The following METTL22 variants were observed in gnomAD, a reference collection of about 807,000 sequenced individuals.
METTL22 encodes the protein methyltransferase-like protein 22.
Under a neutral mutation model 48.4 loss-of-function variants are expected in METTL22, and 51 were observed. The ratio of observed to expected loss-of-function variants is 1.05; its 90% CI spans 0.84 to 1.33. METTL22 has a LOEUF of 1.33. METTL22 is among the 40% of genes most tolerant of loss of function. The pLI, the probability that METTL22 is intolerant of heterozygous loss-of-function variation, is 0.00. For missense variants in METTL22, 678 were observed against 526.9 expected (o/e 1.29, Z -2.81); for synonymous variants, 255 against 214.1 (o/e 1.19, Z -1.67).
intron 3 of METTL22, chr16:8,632,012 G>A (rs1272494317): frequency 6.6e-6 from 1 of 152,240 alleles, no homozygotes; most frequent in Non-Finnish European, 1.5e-5. Context: ...GATGAGTCAT[G>A]AAGAAGCATA....
intron 6 of METTL22, 62 bp from the exon 7 acceptor site, chr16:8,641,069 T>TTA: frequency 1.3e-6 from 2 of 1,517,778 alleles, no homozygotes; most frequent in East Asian, 4.5e-5. Flanking sequence ...GTGTAAAAGT[T>TTA]TATCTTTTTT....
At position 8,646,064 on chromosome 16, in the gene METTL22, G is replaced by C. The variant is rs371651312; in HGVS notation, c.1180-44G>C. The C allele has an allele frequency of 7.5e-5, 108 of 1,439,900 alleles. No homozygotes were observed. In the African/African-American group the frequency reaches 2.6e-3, roughly 34 times the overall value. The allele number at this position is 1,439,900 out of a possible 1,614,324, so 89.2% of individuals were successfully genotyped here. On this transcript the variant is annotated intron_variant, in intron 10 of 10. Transcript: ENST00000381920. ...TCCTTAATGAAATTGTGATGCTCTT[G>C]TATGTGCACTTCAGAAACCTGTTCT...
chr16:8,627,019 C>T (rs1189967274), intron 2 of METTL22, among the ~76,000 whole-genome samples: 1 of 152,054 alleles, frequency 6.6e-6, no homozygotes, highest in African/African-American at 2.4e-5. Flanking sequence ...CCCGCCTCGG[C>T]CTCCCAAAGT....
At chr16:8,642,816 T>A in intron 9 of METTL22, 1 of 559,084 alleles carries the variant, frequency 1.8e-6, no homozygotes, top group Non-Finnish European at 3.2e-6. Context: ...TCAGGGGCCT[T>A]GGCCAGGGCA....
At chr16:8,635,420 G>T in intron 5 of METTL22, 108 bp downstream of exon 5, 1 of 1,351,132 alleles carries the variant, frequency 7.4e-7, no homozygotes, top group Non-Finnish European at 9.8e-7. Flanking sequence ...GTTAGCTGTT[G>T]TTGATTTTGC....
At position 8,635,280 on chromosome 16, in the gene METTL22, C is replaced by T. The variant is rs762367763; in HGVS notation, c.668C>T (p.Ala223Val). The change falls in exon 5 of 11, where the codon GCA (alanine) becomes GTA (valine). Residue 223 changes from alanine (A) to valine (V), a missense_variant. Ala to Val is a moderately conservative substitution (Grantham distance 64, BLOSUM62 0). Transcript: ENST00000381920. ...GGCACGGGGCTCGCTAGCATCATCGCAGCCACCATGGCACGGACCGTTTAT... is the reference window on the plus strand; with the variant it reads ...GGCACGGGGCTCGCTAGCATCATCGTAGCCACCATGGCACGGACCGTTTAT... Reference protein sequence around the residue: ...GAGTGLASIIAATMARTVYCT... With the variant: ...GAGTGLASIIVATMARTVYCT... 6.3e-7 allele frequency: 1 copy of T among 1,599,862 alleles called. No homozygotes were observed. Among genetic ancestry groups the T allele is most frequent in the Non-Finnish European group, 8.5e-7 (1 of 1,173,590 alleles).
chr16:8,632,460 C>T (rs1481676055), intron 3 of METTL22, among the ~76,000 whole-genome samples: 1 of 152,220 alleles, frequency 6.6e-6, no homozygotes, highest in Non-Finnish European at 1.5e-5. Context: ...CCTGCTTTAG[C>T]CTTCCAAAGT....
the METTL22 span, among the ~76,000 whole-genome samples, chr16:8,665,856 G>C: frequency 6.6e-6 from 1 of 152,218 alleles, no homozygotes; most frequent in Non-Finnish European, 1.5e-5. Flanking sequence ...GTTAAGTGTG[G>C]AAGTATAAGT....
chr16:8,641,844 T>C (rs1438417557), intron 7 of METTL22: 2 of 550,844 alleles, frequency 3.6e-6, no homozygotes, highest in Non-Finnish European at 6.5e-6. Context: ...GATCATGTCC[T>C]GCACTGGGCC....
At chr16:8,657,824 C>CTTTTCTTTTTTTTTTTTTTTTTTT in the METTL22 span, among the ~76,000 whole-genome samples, 2 of 137,426 alleles carry the variant, frequency 1.5e-5, no homozygotes, top group African/African-American at 5.8e-5. Flanking sequence ...TCTTTTCTTT[C>CTTTTCTTTTTTTTTTTTTTTTTTT]TTTTTTTTTT....
At chr16:8,659,409 A>C in the METTL22 span, among the ~76,000 whole-genome samples, 6 of 151,862 alleles carry the variant, frequency 4.0e-5, no homozygotes, top group Admixed American at 3.9e-4. Context: ...CAGAGCTGGC[A>C]TCATATGAAT....
intron 10 of METTL22, 120 bp from the exon 11 acceptor site, chr16:8,645,988 C>A: frequency 6.6e-7 from 1 of 1,507,898 alleles, no homozygotes; most frequent in Non-Finnish European, 8.9e-7. Context: ...CCCCAGCTCG[C>A]CTGCTCCGTG....
At chr16:8,660,798 A>AG in the METTL22 span, among the ~76,000 whole-genome samples, 1 of 2,320 alleles carries the variant, frequency 4.3e-4, no homozygotes, top group Non-Finnish European at 1.2e-3. Context: ...GAGGAGGAGG[A>AG]GGAGGAGGAG....
chr16:8,622,022 C>A (rs1040265892), intron 1 of METTL22, among the ~76,000 whole-genome samples: 1 of 152,202 alleles, frequency 6.6e-6, no homozygotes, highest in African/African-American at 2.4e-5. Context: ...GAGGGCAGTG[C>A]CCGACCTGTG....
chr16:8,657,820 C>CTTTTTTTTTTTTTTTTTTTT, the METTL22 span, among the ~76,000 whole-genome samples: 926 of 136,864 alleles, frequency 6.8e-3, 51 homozygotes, highest in Middle Eastern at 0.012. Context: ...CTTTTCTTTT[C>CTTTTTTTTTTTTTTTTTTTT]TTTCTTTTTT....
intron 6 of METTL22, 49 bp from the exon 7 acceptor site, chr16:8,641,082 C>T (rs968474990): frequency 3.2e-6 from 5 of 1,559,436 alleles, no homozygotes; most frequent in African/African-American, 2.7e-5. Context: ...TCTTTTTTTC[C>T]TGATGATGTT....
chr16:8,651,710 A>C (rs1418199758), downstream of METTL22, among the ~76,000 whole-genome samples: 1 of 152,248 alleles, frequency 6.6e-6, no homozygotes, highest in African/African-American at 2.4e-5. Context: ...CTTCAATTTC[A>C]GGTTCCGTGT....
downstream of METTL22, among the ~76,000 whole-genome samples, chr16:8,653,954 G>C (rs145184653): frequency 3.9e-4 from 60 of 152,240 alleles, no homozygotes; most frequent in African/African-American, 1.4e-3. Flanking sequence ...AATGTGGGAA[G>C]CTGAAATTGC....
chr16:8,657,959 G>T, the METTL22 span, among the ~76,000 whole-genome samples: 11 of 152,240 alleles, frequency 7.2e-5, no homozygotes, highest in African/African-American at 2.4e-4. Flanking sequence ...TGGGATACAG[G>T]CGTGTGACGC....
Sources: allele counts gnomAD v4.1 joint callset (sites outside exome capture counted in the v4.1 genomes callset), GRCh38; gene constraint gnomAD v4.1.1; transcripts MANE v1.5; gene names NCBI Gene and HGNC (gene_info 2026-07-23, HGNC 2026-07-21).